The following EPS8L1 variants were observed in gnomAD, a reference collection of about 807,000 sequenced individuals.
The protein encoded by EPS8L1 is EPS8 signaling adaptor L1.
EPS8L1 carries 101 observed loss-of-function variants against 91.7 expected under a neutral mutation model. The ratio of observed to expected loss-of-function variants is 1.10; its 90% CI spans 0.94 to 1.30. The LOEUF is 1.30. EPS8L1 is among the 50% of genes most tolerant of loss of function. EPS8L1 has a pLI of 0.00. For synonymous variants in EPS8L1, 506 were observed against 445.3 expected (o/e 1.14, Z -1.72); for missense variants, 1,114 against 1,017.0 (o/e 1.10, Z -1.30).
chr19:55,081,224 T>A lies in EPS8L1; in HGVS notation c.513-7T>A, dbSNP rs1273491815. On this transcript the variant is annotated splice_region_variant and splice_polypyrimidine_tract_variant and intron_variant, in intron 7 of 19. Coordinates refer to ENST00000201647, the MANE Select transcript of EPS8L1 (RefSeq NM_133180.3). The surrounding 1 kb of genome is among the most constrained non-coding windows in gnomAD (Gnocchi z 4.9). ...CCCAGTCTTGGTGTCCCCGTCGCCC[T>A]CCGCAGGGCCACGCAGGAGGAGTTG... 5.3e-6 allele frequency: 8 copies of A among 1,499,274 alleles called. No individual in the cohort carries two copies. The highest frequency in any genetic ancestry group is 7.0e-6 in the Non-Finnish European group (8 of 1,135,180). The allele number at this position is 1,499,274 out of a possible 1,614,324, so 92.9% of individuals were successfully genotyped here. A position where few individuals can be genotyped will look rare whatever the true frequency, so the allele number is the denominator to read the frequency against.
chr19:55,079,015 C>A lies in EPS8L1; in HGVS notation c.75C>A (p.Tyr25Ter). 6.2e-7 allele frequency: 1 copy of A among 1,614,020 alleles called. No individual in the cohort carries two copies. ...AKSIYEQRKR[Y>*]STVVMADVSQ... is the part of the protein sequence containing the mutation. The stretch of plus-strand genomic sequence containing the variant: ...CCCTGGCAGAGCAGAGGAAGCGTTA[C>A]TCCACAGTTGTTATGGCTGATGTAT... Residue 25 changes from tyrosine (Y) to a stop codon, truncating the protein, a stop_gained, in exon 4 of 20, where the codon TAC becomes TAA. Coordinates refer to ENST00000201647, the MANE Select transcript of EPS8L1 (RefSeq NM_133180.3). LOFTEE classifies it high-confidence loss of function.
chr19:55,083,797 G>T lies in EPS8L1; in HGVS notation c.1385+153G>T. 1 of 991,492 alleles carries T rather than the reference G, an allele frequency of 1.0e-6. No homozygotes were observed. The highest frequency in any genetic ancestry group is 1.4e-5 in the South Asian group (1 of 72,796). 61.4% of individuals were successfully genotyped at this position (991,492 alleles called of 1,614,324 possible). A position where few individuals can be genotyped will look rare whatever the true frequency, so the allele number is the denominator to read the frequency against. ...TGAGATGGTGATGGGGCGGGCCGGGGCTGGGAGAGAGGGAGGAGCAGGGTG... is the reference window on the plus strand; with the variant it reads ...TGAGATGGTGATGGGGCGGGCCGGGTCTGGGAGAGAGGGAGGAGCAGGGTG... On this transcript the variant is annotated intron_variant, in intron 14 of 19. Transcript: ENST00000201647. The surrounding 1 kb of genome is among the most constrained non-coding windows in gnomAD (Gnocchi z 4.7).
chr19:55,086,652 T>G, intron 17 of EPS8L1, 62 bp from the exon 18 acceptor site: 1 of 780,866 alleles, frequency 1.3e-6, no homozygotes, highest in Non-Finnish European at 1.8e-6. Flanking sequence ...CGCCCCGCCC[T>G]CTGGCCCCAG....
chr19:55,080,418 G>T, intron 6 of EPS8L1, 140 bp downstream of exon 6: 1 of 1,595,278 alleles, frequency 6.3e-7, no homozygotes, highest in South Asian at 1.1e-5. Context: ...GGGGACCTGG[G>T]AAGGAAGTTC....
At position 55,087,444 on chromosome 19, in the gene EPS8L1, G is replaced by C. The variant is rs760371752; in HGVS notation, c.2085+9G>C. The C allele has an allele frequency of 9.9e-6, 16 of 1,614,042 alleles. No individual in the cohort carries two copies. The highest frequency in any genetic ancestry group is 2.7e-5 in the African/African-American group (2 of 74,938). On this transcript the variant is annotated intron_variant, in intron 19 of 19. Transcript: ENST00000201647. ...AGCGCTCGCTGCTGGAGGTGAGCCG[G>C]ACCGCTGGTCCCTGGGTCTGGGTAG... is the stretch of plus-strand genomic sequence containing the variant.
In EPS8L1 at chr19:55,078,370, GC is replaced by G. The variant is rs373509232; in HGVS notation, c.58+244del. ...GAGTCAGAGGGAAGAGGTGCTGGGGGCCTGGACTCCTGGGTCAGAGGGAAGA... is the reference window on the plus strand; with the variant it reads ...GAGTCAGAGGGAAGAGGTGCTGGGGGCTGGACTCCTGGGTCAGAGGGAAGA... On this transcript the variant is annotated intron_variant, in intron 3 of 19. Coordinates refer to ENST00000201647, the MANE Select transcript of EPS8L1 (RefSeq NM_133180.3). Among the ~76,000 whole-genome samples, 355 of 42,056 alleles carry G rather than the reference GC, an allele frequency of 8.4e-3. 7 individuals are homozygous for G. The highest frequency in any genetic ancestry group is 9.7e-3 in the Non-Finnish European group (214 of 21,958). The allele number at this position is 42,056 out of a possible 152,430, so 27.6% of individuals were successfully genotyped here.
intron 5 of EPS8L1, 78 bp downstream of exon 5, chr19:55,079,929 C>G: frequency 2.7e-6 from 4 of 1,491,872 alleles, no homozygotes; most frequent in Non-Finnish European, 3.6e-6. Flanking sequence ...TTGGCTCCTG[C>G]ACGTCCTTCC....
In EPS8L1 at chr19:55,082,181, G is replaced by A. The variant is rs1214541240; in HGVS notation, c.990+1G>A. On this transcript the variant is annotated splice_donor_variant, in intron 10 of 19. Transcript: ENST00000201647. LOFTEE classifies it high-confidence loss of function. ...GATCAAGTACGCCTTCAGCCTGCTG[G>A]TGAGGACGCGCCCGCCCCTGGGCCG... 1 of 1,593,648 alleles carries A rather than the reference G, an allele frequency of 6.3e-7. No individual in the cohort carries two copies. The highest frequency in any genetic ancestry group is 1.1e-5 in the South Asian group (1 of 88,928).
Position 55,083,427 on chromosome 19 carries a change from A to T in EPS8L1, c.1264A>T (p.Ser422Cys), listed in dbSNP as rs754773147. The T allele has an allele frequency of 1.6e-5, 25 of 1,612,168 alleles. No individual in the cohort carries two copies. Among genetic ancestry groups the T allele is most frequent in the Non-Finnish European group, 1.9e-5 (23 of 1,179,744 alleles). ...ACCCCCATACAGACCCGAGTTCTTC[A>T]GCGGCTGGGAGCCGCCGGTCACTGA... ...EGPPYRPEFFSGWEPPVTDPQ... is the reference protein window; with the variant it reads ...EGPPYRPEFFCGWEPPVTDPQ... Residue 422 changes from serine to cysteine, a missense_variant, in exon 13 of 20, where the codon AGC becomes TGC. Coordinates refer to ENST00000201647, the MANE Select transcript of EPS8L1 (RefSeq NM_133180.3). The surrounding 1 kb of genome is among the most constrained non-coding windows in gnomAD (Gnocchi z 4.7).
chr19:55,078,964 G>A lies in EPS8L1; in HGVS notation c.59-35G>A, dbSNP rs117839355. ...GTCTGATGGAGGAGGGGCTGGGCCT[G>A]GACTCCCAGGCTCATTCTCTTTCTC... On this transcript the variant is annotated intron_variant, in intron 3 of 19. Coordinates refer to ENST00000201647, the MANE Select transcript of EPS8L1 (RefSeq NM_133180.3). 1.4e-4 allele frequency: 230 copies of A among 1,611,392 alleles called. No individual in the cohort carries two copies. In the East Asian group the frequency reaches 5.0e-3, roughly 35 times the overall value.
At position 55,082,369 on chromosome 19, in the gene EPS8L1, C is replaced by T; in HGVS notation, c.1065+20C>T. The T allele has an allele frequency of 6.2e-7, 1 of 1,612,724 alleles. No homozygotes were observed. The highest frequency in any genetic ancestry group is 8.5e-7 in the Non-Finnish European group (1 of 1,179,840). On this transcript the variant is annotated intron_variant, in intron 11 of 19. Transcript: ENST00000201647. ...CAGATGGTGAGACCCGCCCCAGGCC[C>T]TCGGGCCCCCCTGCAGCGGGAGGAA...
rs773190961 is a variant in EPS8L1, at chr19:55,082,268, G to T, written c.991-7G>T. On this transcript the variant is annotated splice_region_variant and splice_polypyrimidine_tract_variant and intron_variant, in intron 10 of 19. Coordinates refer to ENST00000201647, the MANE Select transcript of EPS8L1 (RefSeq NM_133180.3). ...CCACGCCAACCACCTCCCTCCCCAC[G>T]CCCCAGGCCCGGCTGCGCGGCAACA... is the stretch of plus-strand genomic sequence containing the variant. The T allele has an allele frequency of 1.9e-6, 3 of 1,610,374 alleles. No individual in the cohort carries two copies. Among genetic ancestry groups the T allele is most frequent in the Non-Finnish European group, 2.5e-6 (3 of 1,178,842 alleles).
In EPS8L1 at chr19:55,081,228, C is replaced by T; in HGVS notation, c.513-3C>T. The stretch of plus-strand genomic sequence containing the variant: ...GTCTTGGTGTCCCCGTCGCCCTCCG[C>T]AGGGCCACGCAGGAGGAGTTGCAGC... On this transcript the variant is annotated splice_region_variant and splice_polypyrimidine_tract_variant and intron_variant, in intron 7 of 19. Coordinates refer to ENST00000201647, the MANE Select transcript of EPS8L1 (RefSeq NM_133180.3). The surrounding 1 kb of genome is among the most constrained non-coding windows in gnomAD (Gnocchi z 4.9). The T allele has an allele frequency of 6.6e-7, 1 of 1,506,632 alleles. No homozygotes were observed. Among genetic ancestry groups the T allele is most frequent in the Non-Finnish European group, 8.8e-7 (1 of 1,139,108 alleles). 93.3% of individuals were successfully genotyped at this position (1,506,632 alleles called of 1,614,324 possible).
chr19:55,087,027 G>A, intron 18 of EPS8L1, 139 bp downstream of exon 18: 3 of 1,197,228 alleles, frequency 2.5e-6, no homozygotes, highest in South Asian at 1.6e-5. Flanking sequence ...GGTCTGTCTG[G>A]TAGCAACACC....
chr19:55,079,652 A>C, intron 4 of EPS8L1, 38 bp from the exon 5 acceptor site: 1 of 1,596,656 alleles, frequency 6.3e-7, no homozygotes, highest in Non-Finnish European at 8.6e-7. Flanking sequence ...ACCTGGCATC[A>C]TCTTGGGCCT....
chr19:55,083,919 A>G lies in EPS8L1; in HGVS notation c.1385+275A>G. 1.6e-6 allele frequency: 1 copy of G among 612,162 alleles called. No individual in the cohort carries two copies. The highest frequency in any genetic ancestry group is 2.9e-6 in the Non-Finnish European group (1 of 345,504). The allele number at this position is 612,162 out of a possible 1,614,324, so 37.9% of individuals were successfully genotyped here. A position where few individuals can be genotyped will look rare whatever the true frequency, so the allele number is the denominator to read the frequency against. On this transcript the variant is annotated intron_variant, in intron 14 of 19. Coordinates refer to ENST00000201647, the MANE Select transcript of EPS8L1 (RefSeq NM_133180.3). The surrounding 1 kb of genome is among the most constrained non-coding windows in gnomAD (Gnocchi z 4.7). ...GAGGAAGGGGGCTGGGAGTGGGTAA[A>G]GTCTGAGAGGTTGGATCCCTGGATC... is the stretch of plus-strand genomic sequence containing the variant.
rs903679316 is a variant in EPS8L1 at position 55,079,197 on chromosome 19, G to A, written c.117+140G>A. On this transcript the variant is annotated intron_variant, in intron 4 of 19. Transcript: ENST00000201647. ...TTGCCCATCCATAAAATGGACCTCC[G>A]TTGCCTCACCTCAGTCATGGATATG... 9.7e-5 allele frequency: 81 copies of A among 835,920 alleles called. No individual in the cohort carries two copies. In the South Asian group the frequency reaches 1.1e-3, roughly 11 times the overall value. 51.8% of individuals were successfully genotyped at this position (835,920 alleles called of 1,614,324 possible). A position where few individuals can be genotyped will look rare whatever the true frequency, so the allele number is the denominator to read the frequency against.
chr19:55,082,089 C>A lies in EPS8L1; in HGVS notation c.902-3C>A. The A allele has an allele frequency of 6.3e-7, 1 of 1,582,982 alleles. No homozygotes were observed. The highest frequency in any genetic ancestry group is 1.1e-5 in the South Asian group (1 of 87,360). ...CATCGCCGCGCCCGTCTGCTCCCCT[C>A]AGAGGGCTTGCTGACGCTGCGGGCC... On this transcript the variant is annotated splice_region_variant and splice_polypyrimidine_tract_variant and intron_variant, in intron 9 of 19. Coordinates refer to ENST00000201647, the MANE Select transcript of EPS8L1 (RefSeq NM_133180.3).
chr19:55,078,365 TG>T (rs1407119650), intron 3 of EPS8L1, among the ~76,000 whole-genome samples: 1 of 74,814 alleles, frequency 1.3e-5, no homozygotes. Context: ...GAAGAGGTGC[TG>T]GGGGCCTGGA....
Sources: allele counts gnomAD v4.1 joint callset (sites outside exome capture counted in the v4.1 genomes callset), GRCh38; gene constraint gnomAD v4.1.1; non-coding constraint Gnocchi (gnomAD v3.1); transcripts MANE v1.5; gene names NCBI Gene and HGNC (gene_info 2026-07-23, HGNC 2026-07-21).